The following GON4L variants were observed in gnomAD, a reference collection of about 807,000 sequenced individuals.
GON4L encodes gon-4 like.
Under a neutral mutation model 211.8 loss-of-function variants are expected in GON4L, and 87 were observed. The observed-to-expected ratio is 0.41, with a 90% CI of 0.35 to 0.49. The LOEUF is 0.49. GON4L is among the 20% of genes least tolerant of loss of function. GON4L has a pLI of 0.15. For missense variants in GON4L, 2,155 were observed against 2,659.5 expected (o/e 0.81, Z 4.17); for synonymous variants, 875 against 962.6 (o/e 0.91, Z 1.68).
intron 11 of GON4L, among the ~76,000 whole-genome samples, chr1:155,800,566 G>A (rs1336090440): frequency 1.3e-5 from 2 of 151,404 alleles, no homozygotes; most frequent in African/African-American, 4.9e-5. Context: ...AAAAAAAAAT[G>A]GTTTAGGCCA....
Position 155,795,083 on chromosome 1 carries a change from CCT to C in GON4L, c.1712_1713del (p.Glu571GlyfsTer5). 2 of 1,607,804 alleles carry C rather than the reference CCT, an allele frequency of 1.2e-6. No homozygotes were observed. The highest frequency in any genetic ancestry group is 1.7e-6 in the Non-Finnish European group (2 of 1,174,188). ...CTCACTGCCCGGTCAGTCCGGAAAT[CCT>C]CTGTGTCTGGTTCATCGAGGTCTTC... ...FLEDLDEPDT[E>X]DFRTDRAVRI... On this transcript the variant is annotated frameshift_variant, in exon 12 of 32. Coordinates refer to ENST00000368331, the MANE Select transcript of GON4L (RefSeq NM_001282860.2). LOFTEE classifies it high-confidence loss of function.
At chr1:155,832,826 A>G (rs943073948) in intron 2 of GON4L, 2 of 152,142 alleles carry the variant, frequency 1.3e-5, no homozygotes, top group African/African-American at 2.4e-5. Flanking sequence ...CAACAAAAAC[A>G]CATACTAAAC....
chr1:155,826,299 T>A (rs1292999935), intron 3 of GON4L, among the ~76,000 whole-genome samples: 1 of 151,936 alleles, frequency 6.6e-6, no homozygotes, highest in Non-Finnish European at 1.5e-5. Flanking sequence ...GCGCAGTGGC[T>A]CACACCTGTA....
At chr1:155,849,682 G>A (rs188586223) in intron 2 of GON4L, among the ~76,000 whole-genome samples, 27 of 149,554 alleles carry the variant, frequency 1.8e-4, no homozygotes, top group Admixed American at 1.7e-3. Flanking sequence ...GCTACGGCAG[G>A]AGAATTGCTT....
At chr1:155,778,862 G>C (rs1344676962) in intron 14 of GON4L, among the ~76,000 whole-genome samples, 3 of 152,120 alleles carry the variant, frequency 2.0e-5, no homozygotes, top group Non-Finnish European at 4.4e-5. Context: ...CCATGTCCCT[G>C]AAACGGACAT....
At chr1:155,828,950 CA>C (rs1362526413) in intron 2 of GON4L, among the ~76,000 whole-genome samples, 13 of 151,958 alleles carry the variant, frequency 8.6e-5, no homozygotes, top group African/African-American at 3.1e-4. Flanking sequence ...AGCAAGAGTA[CA>C]AAGTGAAAGG....
chr1:155,852,524 G>A (rs1266352800), intron 2 of GON4L, among the ~76,000 whole-genome samples: 6 of 148,526 alleles, frequency 4.0e-5, no homozygotes, highest in East Asian at 2.1e-4. Context: ...GGCGGATCAC[G>A]AGGTCAGGAG....
At chr1:155,749,616 T>TC, downstream of GON4L, 2 of 1,415,924 alleles carry the variant, frequency 1.4e-6, no homozygotes, top group Non-Finnish European at 1.9e-6. Context: ...TCTGGATGGT[T>TC]CCCCCAAGGG....
chr1:155,853,581 G>A lies in GON4L; in HGVS notation c.200C>T (p.Ala67Val), dbSNP rs766441466. 1 of 1,614,136 alleles carries A rather than the reference G, an allele frequency of 6.2e-7. No homozygotes were observed. Among genetic ancestry groups the A allele is most frequent in the South Asian group, 1.1e-5 (1 of 91,088 alleles). Residue 67 changes from alanine (A) to valine (V), a missense_variant, in exon 2 of 32, where the codon GCA (alanine) becomes GTA (valine). By Grantham distance (64) the Ala-to-Val change is moderately conservative (BLOSUM62 0). This residue lies in a region of GON4L where 313 missense variants were observed against 293.2 expected (regional missense o/e 1.07). Coordinates refer to ENST00000368331, the MANE Select transcript of GON4L (RefSeq NM_001282860.2). ...ATCCTCCATACCAAGCTGATTTCCT[G>A]CATCCTGCAAAGACTGTACTTCGAA... The part of the protein sequence containing the change: ...AGFEVQSLQD[A>V]GNQLGMEDTS...
chr1:155,828,176 G>T (rs199972531), intron 2 of GON4L, among the ~76,000 whole-genome samples: 1 of 122,292 alleles, frequency 8.2e-6, no homozygotes, highest in Non-Finnish European at 1.8e-5. Flanking sequence ...ACACACACAC[G>T]CAAAGAAATA....
chr1:155,854,316 G>T (rs1202772627), intron 1 of GON4L, among the ~76,000 whole-genome samples: 1 of 152,074 alleles, frequency 6.6e-6, no homozygotes, highest in East Asian at 1.9e-4. Context: ...CCTACGCCTG[G>T]CTAATTTTTT....
intron 24 of GON4L, among the ~76,000 whole-genome samples, chr1:155,758,905 CA>C (rs1661469249): frequency 6.6e-6 from 1 of 152,116 alleles, no homozygotes; most frequent in Admixed American, 6.5e-5. Context: ...AAAACAACAA[CA>C]ACAAAACTCC....
At chr1:155,839,336 G>T (rs760645923) in intron 2 of GON4L, among the ~76,000 whole-genome samples, 1 of 152,052 alleles carries the variant, frequency 6.6e-6, no homozygotes, top group Non-Finnish European at 1.5e-5. Context: ...TAGAGTAGTA[G>T]AATGACTAGT....
chr1:155,825,025 A>G lies in GON4L; in HGVS notation c.697+1812T>C, dbSNP rs1002897622. On this transcript the variant is annotated intron_variant, in intron 3 of 31. Coordinates refer to ENST00000368331, the MANE Select transcript of GON4L (RefSeq NM_001282860.2). The stretch of plus-strand genomic sequence containing the variant: ...AAATAAAAATGAAAATTAGCCAGGC[A>G]TTGTGGCGTGCACCTAGAGTCCGAG... 5.3e-5 allele frequency among the ~76,000 whole-genome samples: 8 copies of G among 151,820 alleles called. No homozygotes were observed. In the East Asian group the frequency reaches 1.4e-3, roughly 26 times the overall value.
intron 23 of GON4L, 99 bp from the exon 24 acceptor site, chr1:155,760,740 A>C: frequency 1.3e-6 from 1 of 778,626 alleles, no homozygotes; most frequent in Non-Finnish European, 2.2e-6. Flanking sequence ...AGAGAGCTCC[A>C]AGAATTATCC....
intron 2 of GON4L, among the ~76,000 whole-genome samples, chr1:155,852,611 T>C (rs1000607894): frequency 2.0e-5 from 3 of 151,532 alleles, no homozygotes; most frequent in African/African-American, 7.3e-5. Flanking sequence ...GGCATGGTGG[T>C]GGGTGCCTGT....
intron 2 of GON4L, among the ~76,000 whole-genome samples, chr1:155,835,637 G>C (rs1024971353): frequency 1.3e-5 from 2 of 151,980 alleles, no homozygotes; most frequent in African/African-American, 4.8e-5. Context: ...GGATACTCTG[G>C]GTATTTTGGC....
chr1:155,776,699 T>C (rs1487154967), intron 15 of GON4L, among the ~76,000 whole-genome samples: 1 of 151,946 alleles, frequency 6.6e-6, no homozygotes, highest in Non-Finnish European at 1.5e-5. Flanking sequence ...CACAGATGCA[T>C]GGCACCATGC....
intron 14 of GON4L, among the ~76,000 whole-genome samples, chr1:155,781,006 A>G (rs1171936986): frequency 6.6e-6 from 1 of 152,162 alleles, no homozygotes; most frequent in African/African-American, 2.4e-5. Flanking sequence ...GGACTGTCTT[A>G]TGCAATCTTC....
Sources: gnomAD v4.1 joint callset for allele counts (sites outside exome capture counted in the v4.1 genomes callset) on GRCh38, gnomAD v4.1.1 for gene constraint, gnomAD v4.1.1 regional missense constraint, MANE v1.5 for transcripts, NCBI Gene and HGNC (gene_info 2026-07-23, HGNC 2026-07-21) for gene names.